MAP4K5: variants seen among roughly 807,000 people sequenced by gnomAD.
The protein encoded by MAP4K5 is MAPK/ERK kinase kinase kinase 5.
Under a neutral mutation model 135.6 loss-of-function variants are expected in MAP4K5, and 82 were observed. The observed-to-expected ratio is 0.60, with a 90% CI of 0.51 to 0.73. MAP4K5 has a LOEUF of 0.73. Among genes scored for constraint, MAP4K5 ranks in the 30% least tolerant of loss-of-function variants. The pLI is 0.00. For missense variants in MAP4K5, 907 were observed against 1,010.9 expected, an observed-to-expected ratio of 0.90 and a Z score of 1.39; for synonymous variants, 347 against 335.0, an observed-to-expected ratio of 1.04 and a Z score of -0.39.
At chr14:50,467,953 T>C (rs569635634) in intron 10 of MAP4K5, among the ~76,000 whole-genome samples, 1 of 152,128 alleles carries the variant, frequency 6.6e-6, no homozygotes, top group Non-Finnish European at 1.5e-5. Flanking sequence ...CACCATTCTG[T>C]TAATTTTCTT....
intron 3 of MAP4K5, among the ~76,000 whole-genome samples, chr14:50,492,303 C>T (rs779069019): frequency 3.3e-5 from 5 of 151,914 alleles, no homozygotes; most frequent in Non-Finnish European, 7.4e-5. Context: ...CCTCAAATTT[C>T]AAAATTTTGG....
At chr14:50,480,925 T>C in intron 6 of MAP4K5, among the ~76,000 whole-genome samples, 1 of 152,196 alleles carries the variant, frequency 6.6e-6, no homozygotes, top group East Asian at 1.9e-4. Context: ...TATAGTATTA[T>C]AACCTTATGG....
intron 5 of MAP4K5, chr14:50,482,859 C>T (rs1162401321): frequency 6.6e-6 from 1 of 152,644 alleles, no homozygotes; most frequent in Non-Finnish European, 1.5e-5. Context: ...TGAGTGATTT[C>T]TCTTCTGATT....
intron 28 of MAP4K5, among the ~76,000 whole-genome samples, chr14:50,429,792 G>A (rs55765451): frequency 0.011 from 1,689 of 152,200 alleles, 32 homozygotes; most frequent in African/African-American, 0.037. Context: ...AGGACACTGA[G>A]TAACATAATG....
intron 2 of MAP4K5, among the ~76,000 whole-genome samples, chr14:50,530,109 G>A (rs1055528334): frequency 6.6e-6 from 1 of 152,144 alleles, no homozygotes; most frequent in East Asian, 1.9e-4. Flanking sequence ...ATGTAAGTGT[G>A]AGGAAGCAAC....
At chr14:50,496,317 A>T (rs971215676) in intron 3 of MAP4K5, among the ~76,000 whole-genome samples, 3 of 152,006 alleles carry the variant, frequency 2.0e-5, no homozygotes, top group Non-Finnish European at 4.4e-5. Flanking sequence ...CAAGAGCAAG[A>T]CTCCAACTCA....
At chr14:50,435,324 C>G (rs1187330531) in intron 26 of MAP4K5, among the ~76,000 whole-genome samples, 3 of 152,082 alleles carry the variant, frequency 2.0e-5, no homozygotes, top group African/African-American at 7.2e-5. Flanking sequence ...AACATGCAAC[C>G]TAAAAAGGTG....
chr14:50,531,749 T>C (rs1181371283), intron 2 of MAP4K5, among the ~76,000 whole-genome samples, 193 bp downstream of exon 2: 3 of 152,208 alleles, frequency 2.0e-5, no homozygotes, highest in Non-Finnish European at 4.4e-5. Flanking sequence ...TGGTTAGTTC[T>C]GCCTGTTGGT....
intron 2 of MAP4K5, among the ~76,000 whole-genome samples, chr14:50,540,172 A>G (rs2038543050): frequency 1.3e-5 from 2 of 152,228 alleles, no homozygotes; most frequent in African/African-American, 4.8e-5. Flanking sequence ...TAGCACAGTT[A>G]CTATAATAAC....
Position 50,423,925 on chromosome 14 carries a change from C to A in MAP4K5, c.2398-749G>T, listed in dbSNP as rs145358499. Among the ~76,000 whole-genome samples the A allele has an allele frequency of 6.3e-3, 965 of 152,302 alleles. 5 individuals carry two copies. The highest frequency in any genetic ancestry group is 0.017 in the Middle Eastern group (5 of 294). On this transcript the variant is annotated intron_variant, in intron 31 of 32. Coordinates refer to ENST00000682126, the MANE Select transcript of MAP4K5 (RefSeq NM_006575.6). ...CTCGTCATCTACAAATGAGTCAATT[C>A]TGAGGTGTATTTTACCCCATTCCTC...
In MAP4K5 at chr14:50,532,502, TGCCGTCGCC is replaced by T. The variant is rs1156464604; in HGVS notation, c.-173_-165del. Reference sequence around the variant, plus strand: ...GCGCGCCGGCCGGCAGCTCCGGGTTTGCCGTCGCCGCCGCCGCCACTCAGCCGCTGCACG... The same window carrying T: ...GCGCGCCGGCCGGCAGCTCCGGGTTTGCCGCCGCCACTCAGCCGCTGCACG... On this transcript the variant is annotated 5_prime_UTR_variant, in exon 1 of 33. Coordinates refer to ENST00000682126, the MANE Select transcript of MAP4K5 (RefSeq NM_006575.6). 6.6e-6 allele frequency: 1 copy of T among 152,070 alleles called. No homozygotes were observed. Among genetic ancestry groups the T allele is most frequent in the African/African-American group, 2.4e-5 (1 of 41,284 alleles). 9.4% of individuals were successfully genotyped at this position (152,070 alleles called of 1,614,324 possible).
intron 9 of MAP4K5, among the ~76,000 whole-genome samples, chr14:50,474,230 A>C (rs908850130): frequency 4.6e-5 from 7 of 152,030 alleles, no homozygotes; most frequent in Non-Finnish European, 5.9e-5. Flanking sequence ...TACAAAAAAA[A>C]TTACAAAAAA....
At chr14:50,479,287 G>GAT in intron 6 of MAP4K5, among the ~76,000 whole-genome samples, 1 of 150,124 alleles carries the variant, frequency 6.7e-6, no homozygotes, top group South Asian at 2.1e-4. Context: ...ACAGCTTAAT[G>GAT]ATACTCTTCA....
Position 50,434,488 on chromosome 14 carries a change from T to G in MAP4K5, c.2070A>C (p.Val690=), listed in dbSNP as rs369144940. 20 of 1,608,196 alleles carry G rather than the reference T, an allele frequency of 1.2e-5. No homozygotes were observed. The African/African-American group carries it at 2.4e-4, about 19-fold the overall frequency. ...IPEQEYPMVC[V]AISKGTESNQ... ...TCGATTCAGTGCCTTTGCTAATAGC[T>G]ACACAGACCATAGGGTATTCCTGTT... Residue 690 remains valine (V), a synonymous_variant, in exon 28 of 33, where the codon GTA becomes GTC. Transcript: ENST00000682126.
chr14:50,533,682 A>C (rs2038453482), upstream of MAP4K5, among the ~76,000 whole-genome samples: 1 of 152,206 alleles, frequency 6.6e-6, no homozygotes, highest in African/African-American at 2.4e-5. Context: ...GAAACATCAT[A>C]AAAGAGCAAG....
At chr14:50,423,977 G>C (rs966421873) in intron 31 of MAP4K5, among the ~76,000 whole-genome samples, 3 of 152,096 alleles carry the variant, frequency 2.0e-5, no homozygotes, top group Non-Finnish European at 4.4e-5. Context: ...TTAAGCCCCA[G>C]TTGCTCTTAG....
chr14:50,435,429 G>A (rs2036068880), intron 26 of MAP4K5, among the ~76,000 whole-genome samples: 1 of 152,014 alleles, frequency 6.6e-6, no homozygotes, highest in Non-Finnish European at 1.5e-5. Flanking sequence ...CAGTGGCACA[G>A]TAATAGCTAA....
At chr14:50,494,346 T>G (rs1413101919) in intron 3 of MAP4K5, among the ~76,000 whole-genome samples, 2 of 151,880 alleles carry the variant, frequency 1.3e-5, no homozygotes, top group Non-Finnish European at 2.9e-5. Flanking sequence ...TTTTTGTATT[T>G]TTAGTAGAGA....
chr14:50,469,951 T>C (rs183992697), intron 9 of MAP4K5, among the ~76,000 whole-genome samples: 6 of 152,334 alleles, frequency 3.9e-5, no homozygotes, highest in Admixed American at 3.9e-4. Flanking sequence ...GTGGTTAGCA[T>C]ATAAAGTATG....
Sources: allele counts gnomAD v4.1 joint callset (sites outside exome capture counted in the v4.1 genomes callset), GRCh38; gene constraint gnomAD v4.1.1; transcripts MANE v1.5; gene names NCBI Gene and HGNC (gene_info 2026-07-23, HGNC 2026-07-21).